TNFRSF21: variants seen among roughly 807,000 people sequenced by gnomAD.
TNFRSF21 encodes the protein TNF receptor superfamily member 21, also known as tumor necrosis factor receptor superfamily member 21.
In TNFRSF21, 19 loss-of-function variants were observed where a neutral mutation model predicts 45.6. The observed-to-expected ratio is 0.42, with a 90% CI of 0.29 to 0.61. TNFRSF21 has a LOEUF of 0.61. Among genes scored for constraint, TNFRSF21 ranks in the 20% least tolerant of loss-of-function variants. The pLI, the probability that TNFRSF21 is intolerant of heterozygous loss-of-function variation, is 0.23. For missense variants in TNFRSF21, 737 were observed against 851.5 expected (o/e 0.87, Z 1.67); for synonymous variants, 314 against 335.5 (o/e 0.94, Z 0.70).
chr6:47,298,440 C>T lies in TNFRSF21; in HGVS notation c.96+10976G>A, dbSNP rs982358776. ...CTACAGCCTGGGTGACAGAGCAAGA[C>T]CCTGTCCCAAATTAAAATAAATAAA... On this transcript the variant is annotated intron_variant, in intron 1 of 5. Coordinates refer to ENST00000296861, the MANE Select transcript of TNFRSF21 (RefSeq NM_014452.5). 4.6e-5 allele frequency among the ~76,000 whole-genome samples: 7 copies of T among 152,124 alleles called. No individual in the cohort carries two copies. In the South Asian group the frequency reaches 1.2e-3, roughly 27 times the overall value.
At chr6:47,257,286 G>T (rs1765002630) in intron 3 of TNFRSF21, among the ~76,000 whole-genome samples, 1 of 152,052 alleles carries the variant, frequency 6.6e-6, no homozygotes, top group Non-Finnish European at 1.5e-5. Flanking sequence ...AAAATGGACT[G>T]GAAGCTAAAT....
intron 1 of TNFRSF21, among the ~76,000 whole-genome samples, chr6:47,299,110 T>C (rs1447947252): frequency 2.0e-5 from 3 of 152,112 alleles, no homozygotes; most frequent in Non-Finnish European, 4.4e-5. Context: ...TGCAAAGAGA[T>C]CAATTTCTGT....
intron 3 of TNFRSF21, among the ~76,000 whole-genome samples, chr6:47,255,750 ACCATGCCTGGC>A (rs1764977012): frequency 6.6e-6 from 1 of 152,204 alleles, no homozygotes. Flanking sequence ...GGCGTGAGCC[ACCATGCCTGGC>A]CAATATCATG....
At chr6:47,251,704 A>G (rs564479001) in intron 4 of TNFRSF21, among the ~76,000 whole-genome samples, 63 of 152,308 alleles carry the variant, frequency 4.1e-4, no homozygotes, top group Non-Finnish European at 3.5e-4. Context: ...CCTTAAAGCC[A>G]GTCTCTAAGA....
chr6:47,273,564 G>A (rs1011462469), intron 3 of TNFRSF21, among the ~76,000 whole-genome samples: 1 of 152,114 alleles, frequency 6.6e-6, no homozygotes, highest in Non-Finnish European at 1.5e-5. Flanking sequence ...CATACTGAAT[G>A]GGCAAAAACT....
chr6:47,278,253 A>G (rs184194729), intron 3 of TNFRSF21, among the ~76,000 whole-genome samples: 195 of 152,306 alleles, frequency 1.3e-3, no homozygotes, highest in Admixed American at 3.3e-3. Flanking sequence ...TAACACCAAC[A>G]TCAGTATAAA....
chr6:47,275,505 G>T (rs150864611), intron 3 of TNFRSF21, among the ~76,000 whole-genome samples: 2 of 152,138 alleles, frequency 1.3e-5, no homozygotes, highest in Admixed American at 6.5e-5. Flanking sequence ...GGCCTGTTGG[G>T]GGGTGGCGGA....
intron 1 of TNFRSF21, among the ~76,000 whole-genome samples, chr6:47,286,797 T>C (rs906826959): frequency 6.6e-6 from 1 of 152,132 alleles, no homozygotes; most frequent in Non-Finnish European, 1.5e-5. Flanking sequence ...TACAGCTTGA[T>C]CTACTGGCTG....
rs9473029 is a variant in TNFRSF21, at chr6:47,232,407, G to C, written c.*358C>G. ...TGGGAAAAGTCACACTGCATTTATG[G>C]TAAGTTAAGTAAATTTAAAGTGCAC... On this transcript the variant is annotated 3_prime_UTR_variant, in exon 6 of 6. Coordinates refer to ENST00000296861, the MANE Select transcript of TNFRSF21 (RefSeq NM_014452.5). 11,836 of 196,400 alleles carry C rather than the reference G, an allele frequency of 0.06. 546 individuals carry two copies. Among genetic ancestry groups the C allele is most frequent in the African/African-American group, 0.13 (5,486 of 42,322 alleles). The allele number at this position is 196,400 out of a possible 1,614,324, so 12.2% of individuals were successfully genotyped here.
At position 47,243,079 on chromosome 6, in the gene TNFRSF21, C is replaced by T. The variant is rs552177977; in HGVS notation, c.1510-8181G>A. On this transcript the variant is annotated intron_variant, in intron 4 of 5. Transcript: ENST00000296861. ...ATCTTTATGACTCGGGCTTTTTGAA[C>T]TCATCAAATCTGATTAAATTAGCAT... Among the ~76,000 whole-genome samples, 5 of 152,314 alleles carry T rather than the reference C, an allele frequency of 3.3e-5. No individual in the cohort carries two copies. The East Asian group carries it at 9.6e-4, about 29-fold the overall frequency.
chr6:47,240,438 T>C (rs887786587), intron 4 of TNFRSF21, among the ~76,000 whole-genome samples: 2 of 152,242 alleles, frequency 1.3e-5, no homozygotes, highest in Admixed American at 6.5e-5. Context: ...CTGTGATTCG[T>C]TTGCTGCTAA....
chr6:47,248,847 T>C (rs1435483148), intron 4 of TNFRSF21, among the ~76,000 whole-genome samples: 1 of 152,232 alleles, frequency 6.6e-6, no homozygotes, highest in Non-Finnish European at 1.5e-5. Flanking sequence ...CCATCTCTCT[T>C]GCCTCCAGAG....
Position 47,304,623 on chromosome 6 carries a change from C to T in TNFRSF21, c.96+4793G>A, listed in dbSNP as rs148217482. Reference sequence around the variant, plus strand: ...CATTAACTGTGCTTACTATATCCTGCTTGATAGACTTTGTCTACATTTAGC... The same window carrying T: ...CATTAACTGTGCTTACTATATCCTGTTTGATAGACTTTGTCTACATTTAGC... On this transcript the variant is annotated intron_variant, in intron 1 of 5. Transcript: ENST00000296861. Among the ~76,000 whole-genome samples the T allele has an allele frequency of 5.3e-5, 8 of 151,068 alleles. No individual in the cohort carries two copies. In the East Asian group the frequency reaches 1.5e-3, roughly 29 times the overall value.
Position 47,286,433 on chromosome 6 carries a change from C to T in TNFRSF21, c.259G>A (p.Val87Ile), listed in dbSNP as rs142206681. ...SEHCTNTSLR[V>I]CSSCPVGTFT... The stretch of plus-strand genomic sequence containing the variant: ...GTCCCCACAGGGCAACTGCTGCAGA[C>T]GCGCAGGCTTGTGTTGGTACAATGC... The change falls in exon 2 of 6, where the codon GTC becomes ATC. Residue 87 changes from valine (V) to isoleucine (I), a missense_variant. Val to Ile is a conservative substitution (Grantham distance 29). Transcript: ENST00000296861. The T allele has an allele frequency of 3.9e-5, 63 of 1,614,224 alleles. No homozygotes were observed. In the East Asian group the frequency reaches 4.5e-4, roughly 11 times the overall value.
At chr6:47,289,516 T>C (rs984765609) in intron 1 of TNFRSF21, among the ~76,000 whole-genome samples, 5 of 152,202 alleles carry the variant, frequency 3.3e-5, no homozygotes, top group Non-Finnish European at 7.3e-5. Context: ...CTTAACCTCA[T>C]CTTAGAACCT....
intron 4 of TNFRSF21, among the ~76,000 whole-genome samples, chr6:47,244,620 T>C (rs1561938778): frequency 6.6e-6 from 1 of 152,190 alleles, no homozygotes; most frequent in African/African-American, 2.4e-5. Context: ...GTTTTTTTTC[T>C]AGTACTTTTT....
intron 4 of TNFRSF21, among the ~76,000 whole-genome samples, chr6:47,244,989 G>A (rs1247518979): frequency 6.6e-6 from 1 of 152,162 alleles, no homozygotes; most frequent in Non-Finnish European, 1.5e-5. Flanking sequence ...AAAAGAAAAA[G>A]TGAAAATGTG....
At chr6:47,238,679 G>T (rs1287772438) in intron 4 of TNFRSF21, among the ~76,000 whole-genome samples, 4 of 152,174 alleles carry the variant, frequency 2.6e-5, no homozygotes, top group African/African-American at 9.7e-5. Context: ...TCAAGGCTGA[G>T]TCACACCTAA....
chr6:47,236,116 A>C (rs1203187446), intron 4 of TNFRSF21, among the ~76,000 whole-genome samples: 1 of 152,234 alleles, frequency 6.6e-6, no homozygotes, highest in Non-Finnish European at 1.5e-5. Flanking sequence ...CAAAGAGGGC[A>C]CACAGCTACT....
Sources: allele counts gnomAD v4.1 joint callset (sites outside exome capture counted in the v4.1 genomes callset), GRCh38; gene constraint gnomAD v4.1.1; transcripts MANE v1.5; gene names NCBI Gene and HGNC (gene_info 2026-07-23, HGNC 2026-07-21).